The following PARG variants were observed in gnomAD, a reference collection of about 807,000 sequenced individuals.
PARG encodes poly(ADP-ribose) glycohydrolase.
A neutral mutation model predicts 113.0 loss-of-function variants in PARG; 35 were observed. That is an observed-to-expected ratio of 0.31 (90% CI 0.24 to 0.41). The LOEUF is 0.41. Among genes scored for constraint, PARG ranks in the 10% least tolerant of loss-of-function variants. PARG has a pLI of 1.00. For synonymous variants in PARG, 330 were observed against 409.9 expected (o/e 0.81, Z 2.36); for missense variants, 797 against 1,169.4 (o/e 0.68, Z 4.64).
intron 7 of PARG, among the ~76,000 whole-genome samples, chr10:49,915,383 G>C (rs1837415222): frequency 1.3e-5 from 2 of 152,202 alleles, no homozygotes; most frequent in South Asian, 4.1e-4. Context: ...TACTATGAAA[G>C]TGATATTCTT....
chr10:49,910,986 A>G (rs1249142053), intron 7 of PARG, among the ~76,000 whole-genome samples: 1 of 152,164 alleles, frequency 6.6e-6, no homozygotes, highest in East Asian at 1.9e-4. Context: ...CAGGTGTTGT[A>G]AAAGAGGAGT....
chr10:49,858,686 G>A (rs1249917599), intron 12 of PARG, among the ~76,000 whole-genome samples: 2 of 139,170 alleles, frequency 1.4e-5, no homozygotes, highest in Non-Finnish European at 3.1e-5. Flanking sequence ...AGCTACCAGA[G>A]AGAATCATAT....
chr10:49,912,468 T>C (rs1837246820), intron 7 of PARG, among the ~76,000 whole-genome samples: 1 of 147,592 alleles, frequency 6.8e-6, no homozygotes, highest in South Asian at 2.2e-4. Flanking sequence ...ATCGAGACCA[T>C]CATGGCCAAC....
intron 7 of PARG, among the ~76,000 whole-genome samples, chr10:49,908,811 T>C (rs1374533460): frequency 6.6e-6 from 1 of 152,122 alleles, no homozygotes; most frequent in Non-Finnish European, 1.5e-5. Flanking sequence ...CAAAAGGCTA[T>C]CATGGAAGGA....
chr10:49,920,634 A>G (rs1554849081), intron 6 of PARG, among the ~76,000 whole-genome samples: 1 of 148,376 alleles, frequency 6.7e-6, no homozygotes, highest in East Asian at 2.0e-4. Context: ...ATACATGTAT[A>G]TATATACACA....
intron 13 of PARG, among the ~76,000 whole-genome samples, chr10:49,845,062 T>C (rs372029779): frequency 6.6e-6 from 1 of 152,104 alleles, no homozygotes; most frequent in Admixed American, 6.6e-5. Context: ...GAAACCACCA[T>C]ACACTCAAAA....
chr10:49,878,187 T>C (rs1233270467), intron 9 of PARG, among the ~76,000 whole-genome samples: 1 of 146,148 alleles, frequency 6.8e-6, no homozygotes, highest in Non-Finnish European at 1.5e-5. Flanking sequence ...CCAAAATAAC[T>C]GTGATGAGTA....
chr10:49,910,287 A>G (rs1324600638), intron 7 of PARG, among the ~76,000 whole-genome samples: 1 of 152,172 alleles, frequency 6.6e-6, no homozygotes, highest in African/African-American at 2.4e-5. Context: ...AAGATGCACA[A>G]TTTCTAAGTT....
At position 49,920,451 on chromosome 10, in the gene PARG, T is replaced by TA. The variant is rs781928566; in HGVS notation, c.1662+1884dup. Among the ~76,000 whole-genome samples the TA allele has an allele frequency of 4.2e-3, 169 of 39,826 alleles. 2 individuals carry two copies. The highest frequency in any genetic ancestry group is 0.014 in the African/African-American group (103 of 7,364). 26.1% of individuals were successfully genotyped at this position (39,826 alleles called of 152,430 possible). On this transcript the variant is annotated intron_variant, in intron 6 of 17. Transcript: ENST00000616448. Reference sequence around the variant, plus strand: ...GATGGAGCAAGACCCAGCCTCAAATTAAAAAAAAAAAAATATATATATATA... The same window carrying TA: ...GATGGAGCAAGACCCAGCCTCAAATTAAAAAAAAAAAAAATATATATATATA...
At chr10:49,920,643 C>CGTGT (rs1588993289) in intron 6 of PARG, among the ~76,000 whole-genome samples, 1 of 146,888 alleles carries the variant, frequency 6.8e-6, no homozygotes, top group African/African-American at 2.5e-5. Context: ...TATATATACA[C>CGTGT]ATATACGTAT....
At chr10:49,832,972 T>G in intron 15 of PARG, 64 bp from the exon 16 acceptor site, 1 of 812,580 alleles carries the variant, frequency 1.2e-6, no homozygotes, top group East Asian at 2.8e-5. Flanking sequence ...TTCTGACTGA[T>G]GTACTAGGAT....
chr10:49,845,926 A>G (rs1554833246), intron 13 of PARG, among the ~76,000 whole-genome samples: 1 of 151,828 alleles, frequency 6.6e-6, no homozygotes. Flanking sequence ...ATTGAATGCA[A>G]TAAGATTAAC....
In PARG at chr10:49,927,369, G is replaced by GGAAAGAAGGAAAGAAGGAAAGAAA. The variant is rs1247056972; in HGVS notation, c.1456-4701_1456-4700insTTTCTTTCCTTCTTTCCTTCTTTC. On this transcript the variant is annotated intron_variant, in intron 4 of 17. Transcript: ENST00000616448. ...AGGAAGGAAAGAAAGAAGGAAAGAA[G>GGAAAGAAGGAAAGAAGGAAAGAAA]GAAAGAAAGAAAGAAAGAAAGAAAG... is the stretch of plus-strand genomic sequence containing the variant. Among the ~76,000 whole-genome samples the GGAAAGAAGGAAAGAAGGAAAGAAA allele has an allele frequency of 6.9e-5, 9 of 130,760 alleles. No homozygotes were observed. In the South Asian group the frequency reaches 1.4e-3, roughly 20 times the overall value. The allele number at this position is 130,760 out of a possible 152,430, so 85.8% of individuals were successfully genotyped here. A position where few individuals can be genotyped will look rare whatever the true frequency, so the allele number is the denominator to read the frequency against.
At chr10:49,848,045 T>C (rs1475881760) in intron 13 of PARG, among the ~76,000 whole-genome samples, 1 of 152,136 alleles carries the variant, frequency 6.6e-6, no homozygotes, top group Non-Finnish European at 1.5e-5. Context: ...TTCATATACA[T>C]ACACATAAAA....
intron 8 of PARG, 69 bp from the exon 9 acceptor site, chr10:49,879,899 G>A (rs1847133213): frequency 3.0e-6 from 2 of 659,900 alleles, no homozygotes; most frequent in Admixed American, 2.6e-5. Flanking sequence ...AAAAGCAGAG[G>A]CACCAAATTG....
intron 12 of PARG, among the ~76,000 whole-genome samples, 173 bp from the exon 13 acceptor site, chr10:49,857,626 T>C (rs1364771919): frequency 6.7e-6 from 1 of 150,240 alleles, no homozygotes; most frequent in Admixed American, 6.6e-5. Flanking sequence ...TCCACCTCAC[T>C]GCAGTTAACA....
At chr10:49,902,905 T>G (rs1242002943) in intron 7 of PARG, among the ~76,000 whole-genome samples, 3 of 151,778 alleles carry the variant, frequency 2.0e-5, no homozygotes, top group African/African-American at 7.3e-5. Flanking sequence ...CGATCTCGGC[T>G]CACTGCAACC....
At chr10:49,900,577 A>G (rs1467741740) in intron 7 of PARG, among the ~76,000 whole-genome samples, 1 of 152,246 alleles carries the variant, frequency 6.6e-6, no homozygotes, top group Non-Finnish European at 1.5e-5. Context: ...TTTATTGCAC[A>G]ATCATATCTA....
At chr10:49,849,576 T>C (rs1416187261) in intron 13 of PARG, among the ~76,000 whole-genome samples, 1 of 152,232 alleles carries the variant, frequency 6.6e-6, no homozygotes, top group Non-Finnish European at 1.5e-5. Flanking sequence ...GATAGCTTCA[T>C]GGGTGTAGTC....
Sources: gnomAD v4.1 joint callset for allele counts (sites outside exome capture counted in the v4.1 genomes callset) on GRCh38, gnomAD v4.1.1 for gene constraint, MANE v1.5 for transcripts, NCBI Gene and HGNC (gene_info 2026-07-23, HGNC 2026-07-21) for gene names.